MUC12: variants seen among roughly 807,000 people sequenced by gnomAD.
The protein encoded by MUC12 is mucin-12.
Under a neutral mutation model 230.8 loss-of-function variants are expected in MUC12, and 172 were observed. The ratio of observed to expected loss-of-function variants is 0.75; its 90% CI spans 0.66 to 0.85. The LOEUF (loss-of-function observed/expected upper bound fraction) is 0.85, where lower values mean the gene tolerates loss of function less well. Ranked by LOEUF, MUC12 falls within the 40% of genes least tolerant of loss-of-function variation. The pLI is 0.00. For missense variants in MUC12, 3,506 were observed against 5,920.6 expected (o/e 0.59, Z 13.38); for synonymous variants, 1,259 against 2,401.9 (o/e 0.52, Z 13.91).
At chr7:100,973,528 G>T (rs1792956165) in intron 1 of MUC12, among the ~76,000 whole-genome samples, 2 of 152,168 alleles carry the variant, frequency 1.3e-5, no homozygotes, top group Non-Finnish European at 2.9e-5. Context: ...CTCCAGAACT[G>T]TGAGAAATAA....
chr7:101,015,622 TA>T lies in MUC12; in HGVS notation c.15809del (p.Tyr5270LeufsTer27). The T allele has an allele frequency of 6.5e-7, 1 of 1,537,624 alleles. No homozygotes were observed. Among genetic ancestry groups the T allele is most frequent in the South Asian group, 1.2e-5 (1 of 84,052 alleles). ...LSQRKRHREQ[Y>X]DVPQEWRKEG... ...AGGCATTTCTGTCTGCAGGGAACAG[TA>T]TGATGTGCCTCAAGAGTGGCGAAAG... On this transcript the variant is annotated frameshift_variant, in exon 10 of 12. Transcript: ENST00000536621. LOFTEE classifies it high-confidence loss of function.
At chr7:101,013,312 A>G (rs553960667) in intron 8 of MUC12, among the ~76,000 whole-genome samples, 170 bp downstream of exon 8, 7 of 152,104 alleles carry the variant, frequency 4.6e-5, no homozygotes, top group Non-Finnish European at 1.0e-4. Flanking sequence ...CCACACCCAC[A>G]AGAGTGAGGA....
At chr7:100,976,274 C>A (rs1304528424) in intron 1 of MUC12, among the ~76,000 whole-genome samples, 1 of 149,288 alleles carries the variant, frequency 6.7e-6, no homozygotes, top group East Asian at 2.0e-4. Context: ...CAAGACATTA[C>A]CTCTTAAAAA....
At chr7:100,980,065 G>C (rs1314958238) in intron 1 of MUC12, among the ~76,000 whole-genome samples, 1 of 150,312 alleles carries the variant, frequency 6.7e-6, no homozygotes, top group Non-Finnish European at 1.5e-5. Flanking sequence ...TTGTTTTTTA[G>C]ATGAGTCTCG....
intron 3 of MUC12, among the ~76,000 whole-genome samples, chr7:101,007,297 G>A (rs1282484680): frequency 6.6e-6 from 1 of 152,090 alleles, no homozygotes; most frequent in Non-Finnish European, 1.5e-5. Flanking sequence ...AATTATTATT[G>A]ACTATAGTCA....
chr7:101,007,661 A>G (rs1240895021), intron 3 of MUC12, among the ~76,000 whole-genome samples: 1 of 152,208 alleles, frequency 6.6e-6, no homozygotes, highest in East Asian at 1.9e-4. Context: ...GTTGATGGAC[A>G]CTTGGGTTGC....
intron 1 of MUC12, among the ~76,000 whole-genome samples, chr7:100,986,187 C>T (rs986997769): frequency 6.6e-6 from 1 of 151,944 alleles, no homozygotes; most frequent in Admixed American, 6.6e-5. Flanking sequence ...TAGCAAGATC[C>T]CATCTCTAAA....
rs768539656 is a variant in MUC12, at chr7:101,004,976, G to A, written c.14413G>A (p.Glu4805Lys). ...TTFHSKPGST[E>K]TTLSPGSITT... ...TTTCCACAGTAAGCCAGGCTCAACT[G>A]AGACAACACTGTCCCCTGGCAGCAT... Residue 4805 changes from glutamate (E) to lysine (K), a missense_variant, in exon 2 of 12, where the codon GAG becomes AAG. Transcript: ENST00000536621. The A allele has an allele frequency of 1.3e-6, 2 of 1,537,668 alleles. No individual in the cohort carries two copies. Among genetic ancestry groups the A allele is most frequent in the South Asian group, 1.2e-5 (1 of 84,046 alleles).
intron 1 of MUC12, among the ~76,000 whole-genome samples, chr7:100,976,979 A>G (rs1356439630): frequency 7.3e-6 from 1 of 137,706 alleles, no homozygotes; most frequent in Non-Finnish European, 1.5e-5. Flanking sequence ...TGAACCCTGG[A>G]GGCAGAGGTT....
chr7:100,977,361 C>T (rs962106708), intron 1 of MUC12, among the ~76,000 whole-genome samples: 4 of 130,824 alleles, frequency 3.1e-5, no homozygotes, highest in Non-Finnish European at 6.4e-5. Flanking sequence ...CTCTCCTTGC[C>T]TTCTCTAGCT....
chr7:101,013,439 C>T (rs1793870274), intron 8 of MUC12, among the ~76,000 whole-genome samples: 1 of 152,212 alleles, frequency 6.6e-6, no homozygotes, highest in African/African-American at 2.4e-5. Flanking sequence ...ATCTCTATCT[C>T]TATCTCTATC....
chr7:100,970,010 T>A (rs1194967392), intron 1 of MUC12, among the ~76,000 whole-genome samples: 1 of 152,310 alleles, frequency 6.6e-6, no homozygotes, highest in Non-Finnish European at 1.5e-5. Flanking sequence ...TAGACAGTCA[T>A]CTCTGCCTGC....
chr7:100,972,002 A>T lies in MUC12; in HGVS notation c.67+2313A>T, dbSNP rs1792911133. On this transcript the variant is annotated intron_variant, in intron 1 of 11. Transcript: ENST00000536621. ...TAGTGTGCAAAACAGTCAGAAAAAC[A>T]TCTATCTATGGCCAGTGCAGAGAGC... is the stretch of plus-strand genomic sequence containing the variant. The T allele has an allele frequency of 5.8e-6, 4 of 694,694 alleles. No individual in the cohort carries two copies. The Admixed American group carries it at 8.1e-5, about 14-fold the overall frequency. 43.0% of individuals were successfully genotyped at this position (694,694 alleles called of 1,614,324 possible).
At position 101,004,653 on chromosome 7, in the gene MUC12, C is replaced by A; in HGVS notation, c.14090C>A (p.Pro4697His). 2 of 1,537,358 alleles carry A rather than the reference C, an allele frequency of 1.3e-6. No homozygotes were observed. The change falls in exon 2 of 12, where the codon CCC (proline) becomes CAC (histidine). Residue 4697 changes from proline to histidine, a missense_variant. Pro to His is a moderately conservative substitution (Grantham distance 77). Coordinates refer to ENST00000536621, the MANE Select transcript of MUC12 (RefSeq NM_001164462.2). Reference protein sequence around the residue: ...HSSPDTNGITPLPAHFTTSGR... With the variant: ...HSSPDTNGITHLPAHFTTSGR... ...AGCCCAGATACAAATGGAATCACAC[C>A]CTTACCTGCCCATTTTACTACCTCA...
At chr7:100,984,795 T>C (rs141385195) in intron 1 of MUC12, among the ~76,000 whole-genome samples, 35 of 152,320 alleles carry the variant, frequency 2.3e-4, no homozygotes, top group Non-Finnish European at 4.1e-4. Flanking sequence ...ACTTTTTCTC[T>C]CTAACGGACA....
In MUC12 at chr7:100,991,091, C is replaced by A; in HGVS notation, c.528C>A (p.His176Gln). ...TTSHSRPGPT[H>Q]TIAFPDSTTM... ...CCCACAGCCGACCAGGCCCAACGCA[C>A]ACAATAGCGTTCCCTGACAGTACCA... Residue 176 changes from histidine (H) to glutamine (Q), a missense_variant, in exon 2 of 12, where the codon CAC becomes CAA. By Grantham distance (24) the His-to-Gln change is conservative (BLOSUM62 0). Transcript: ENST00000536621. 2 of 1,537,658 alleles carry A rather than the reference C, an allele frequency of 1.3e-6. No individual in the cohort carries two copies. The highest frequency in any genetic ancestry group is 1.7e-6 in the Non-Finnish European group (2 of 1,146,862).
chr7:100,971,494 C>T (rs1461224703), intron 1 of MUC12, among the ~76,000 whole-genome samples: 1 of 152,312 alleles, frequency 6.6e-6, no homozygotes, highest in Admixed American at 6.5e-5. Context: ...ACCATCCTCC[C>T]AGCCAGGGAC....
chr7:100,970,417 G>T (rs1370910579), intron 1 of MUC12, among the ~76,000 whole-genome samples: 1 of 151,694 alleles, frequency 6.6e-6, no homozygotes, highest in South Asian at 2.1e-4. Flanking sequence ...AACCTGGTAG[G>T]TGGAGTTTGC....
At chr7:101,006,322 T>A in intron 2 of MUC12, 149 bp from the exon 3 acceptor site, 1 of 614,152 alleles carries the variant, frequency 1.6e-6, no homozygotes, top group East Asian at 2.8e-5. Flanking sequence ...GGGGCAGAGG[T>A]GGCAGCAGAG....
Sources: allele counts gnomAD v4.1 joint callset (sites outside exome capture counted in the v4.1 genomes callset), GRCh38; gene constraint gnomAD v4.1.1; transcripts MANE v1.5; gene names NCBI Gene and HGNC (gene_info 2026-07-23, HGNC 2026-07-21).